ZNF804B: variants seen among roughly 807,000 people sequenced by gnomAD.
ZNF804B encodes zinc finger 804B.
In ZNF804B, 80 loss-of-function variants were observed where a neutral mutation model predicts 101.4. That is an observed-to-expected ratio of 0.79 (90% confidence interval 0.66 to 0.95). The LOEUF (loss-of-function observed/expected upper bound fraction) is 0.95, where lower values mean the gene tolerates loss of function less well. ZNF804B is among the 40% of genes least tolerant of loss of function. The pLI, the probability that ZNF804B is intolerant of heterozygous loss-of-function variation, is 0.00. For synonymous variants in ZNF804B, 622 were observed against 558.8 expected (o/e 1.11, Z -1.59); for missense variants, 1,673 against 1,561.9 (o/e 1.07, Z -1.20).
intron 1 of ZNF804B, among the ~76,000 whole-genome samples, chr7:88,901,861 G>A (rs932904278): frequency 6.6e-6 from 1 of 151,754 alleles, no homozygotes; most frequent in African/African-American, 2.4e-5. Flanking sequence ...CTTTTGATAA[G>A]CTTTGTCCAT....
chr7:88,914,613 C>T (rs1792605519), intron 1 of ZNF804B, among the ~76,000 whole-genome samples: 1 of 152,046 alleles, frequency 6.6e-6, no homozygotes, highest in Admixed American at 6.6e-5. Flanking sequence ...ATTTTGGTTT[C>T]CTTGCACAAT....
chr7:89,133,749 A>G (rs1366386634), intron 1 of ZNF804B, among the ~76,000 whole-genome samples: 2 of 152,086 alleles, frequency 1.3e-5, no homozygotes, highest in African/African-American at 4.8e-5. Context: ...CACTTCGGTA[A>G]TATAAAAGGT....
chr7:88,772,894 TG>T (rs36105174), intron 1 of ZNF804B, among the ~76,000 whole-genome samples: 59,844 of 151,894 alleles, frequency 0.39, 13,372 homozygotes, highest in African/African-American at 0.6. Flanking sequence ...TATTTAAAGG[TG>T]GGGGGAAGGT....
intron 1 of ZNF804B, among the ~76,000 whole-genome samples, chr7:89,049,627 A>G (rs1789164371): frequency 6.6e-6 from 1 of 152,048 alleles, no homozygotes; most frequent in Non-Finnish European, 1.5e-5. Flanking sequence ...TTTGTTCTTT[A>G]CTATGAAGTT....
intron 1 of ZNF804B, among the ~76,000 whole-genome samples, chr7:88,997,795 C>T (rs930771980): frequency 3.3e-5 from 5 of 152,094 alleles, no homozygotes; most frequent in African/African-American, 4.8e-5. Flanking sequence ...CCTCTCCTAT[C>T]GCACCACTCA....
intron 1 of ZNF804B, among the ~76,000 whole-genome samples, chr7:88,853,774 T>C (rs1791480163): frequency 6.6e-6 from 1 of 152,082 alleles, no homozygotes; most frequent in Non-Finnish European, 1.5e-5. Context: ...TATAATAACC[T>C]TCATAAAGCT....
chr7:88,763,141 A>G (rs1043397952), intron 1 of ZNF804B, among the ~76,000 whole-genome samples: 14 of 152,160 alleles, frequency 9.2e-5, no homozygotes, highest in Admixed American at 4.6e-4. Context: ...CTTCAATTAT[A>G]TAGGTAAAGT....
At chr7:88,825,560 A>G (rs1487907237) in intron 1 of ZNF804B, among the ~76,000 whole-genome samples, 2 of 152,004 alleles carry the variant, frequency 1.3e-5, no homozygotes, top group African/African-American at 4.8e-5. Context: ...CACAGTAGAG[A>G]GAGGTCAAAG....
intron 1 of ZNF804B, among the ~76,000 whole-genome samples, chr7:88,834,108 A>C (rs1374755381): frequency 6.6e-6 from 1 of 151,846 alleles, no homozygotes; most frequent in Non-Finnish European, 1.5e-5. Flanking sequence ...GGTTATAATC[A>C]GAAAGAATTA....
chr7:89,123,250 A>C lies in ZNF804B; in HGVS notation c.109-94905A>C, dbSNP rs563744907. 4.6e-5 allele frequency among the ~76,000 whole-genome samples: 7 copies of C among 152,056 alleles called. No individual in the cohort carries two copies. The South Asian group carries it at 1.5e-3, about 32-fold the overall frequency. ...ATTTTGATATTATTTTGAATAACCT[A>C]GTTGTGAACTCAAGTAGGGGGCAAG... On this transcript the variant is annotated intron_variant, in intron 1 of 3. Transcript: ENST00000333190.
At chr7:89,087,885 A>G (rs898524477) in intron 1 of ZNF804B, among the ~76,000 whole-genome samples, 32 of 151,824 alleles carry the variant, frequency 2.1e-4, no homozygotes, top group Non-Finnish European at 3.7e-4. Context: ...TTATACAGGA[A>G]ATGTCCATGT....
chr7:88,882,901 T>G (rs1583995842), intron 1 of ZNF804B, among the ~76,000 whole-genome samples: 1 of 151,966 alleles, frequency 6.6e-6, no homozygotes, highest in Non-Finnish European at 1.5e-5. Context: ...AATTACCTAT[T>G]GAGTACTATG....
At chr7:88,910,226 C>A (rs546082782) in intron 1 of ZNF804B, among the ~76,000 whole-genome samples, 1 of 151,730 alleles carries the variant, frequency 6.6e-6, no homozygotes, top group Admixed American at 6.6e-5. Context: ...ACACAAAATA[C>A]CAAACAAAAA....
intron 1 of ZNF804B, among the ~76,000 whole-genome samples, chr7:89,097,775 C>T (rs1033409028): frequency 6.6e-6 from 1 of 152,124 alleles, no homozygotes; most frequent in African/African-American, 2.4e-5. Context: ...GAGAGGGTTT[C>T]TTGAGTTGGA....
rs566736874 is a variant in ZNF804B, at chr7:89,337,877, C to T, written c.*845C>T. Among the ~76,000 whole-genome samples, 1 of 151,974 alleles carries T rather than the reference C, an allele frequency of 6.6e-6. No individual in the cohort carries two copies. The highest frequency in any genetic ancestry group is 2.1e-4 in the South Asian group (1 of 4,820). The stretch of plus-strand genomic sequence containing the variant: ...TAAAATATTGTTTATTATTCTTCTA[C>T]TCAAAAATTTTACTACGTTCAGCCA... On this transcript the variant is annotated 3_prime_UTR_variant, in exon 4 of 4. Transcript: ENST00000333190.
At chr7:88,839,999 G>A (rs10263622) in intron 1 of ZNF804B, among the ~76,000 whole-genome samples, 5,947 of 152,188 alleles carry the variant, frequency 0.039, 407 homozygotes, top group African/African-American at 0.14. Flanking sequence ...CTGTTCTCCA[G>A]GTTTCTGAAA....
chr7:89,147,983 G>T (rs6948044), intron 1 of ZNF804B, among the ~76,000 whole-genome samples: 1 of 151,552 alleles, frequency 6.6e-6, no homozygotes, highest in East Asian at 1.9e-4. Flanking sequence ...TAATGCATTT[G>T]ATTCATCCCG....
At chr7:89,175,316 C>G (rs1791301501) in intron 1 of ZNF804B, among the ~76,000 whole-genome samples, 1 of 152,038 alleles carries the variant, frequency 6.6e-6, no homozygotes, top group Non-Finnish European at 1.5e-5. Context: ...TTTCTCAGCA[C>G]CATTTATTGA....
intron 1 of ZNF804B, among the ~76,000 whole-genome samples, chr7:89,097,146 A>G (rs1789981739): frequency 3.9e-5 from 6 of 152,190 alleles, no homozygotes; most frequent in Admixed American, 3.9e-4. Flanking sequence ...TGGACAGACC[A>G]CACCTCATCT....
Sources: gnomAD v4.1 joint callset for allele counts (sites outside exome capture counted in the v4.1 genomes callset) on GRCh38, gnomAD v4.1.1 for gene constraint, MANE v1.5 for transcripts, NCBI Gene and HGNC (gene_info 2026-07-23, HGNC 2026-07-21) for gene names.